TGFBR3: variants seen among roughly 807,000 people sequenced by gnomAD.
TGFBR3 encodes the protein transforming growth factor beta receptor 3.
A neutral mutation model predicts 87.9 loss-of-function variants in TGFBR3; 46 were observed. That is an observed-to-expected ratio of 0.52 (90% CI 0.41 to 0.67). The LOEUF (loss-of-function observed/expected upper bound fraction) is 0.67, where lower values mean the gene tolerates loss of function less well. Ranked by LOEUF, TGFBR3 falls within the 30% of genes least tolerant of loss-of-function variation. The pLI is 0.00. For missense variants in TGFBR3, 866 were observed against 1,041.9 expected, an observed-to-expected ratio of 0.83 and a Z score of 2.32; for synonymous variants, 381 against 391.6, an observed-to-expected ratio of 0.97 and a Z score of 0.32.
chr1:91,706,070 C>T (rs140400594), intron 14 of TGFBR3, among the ~76,000 whole-genome samples: 71 of 152,252 alleles, frequency 4.7e-4, no homozygotes, highest in African/African-American at 1.6e-3. Context: ...AAAAGCAAGC[C>T]GCTGCCTTCA....
chr1:91,689,327 G>A (rs1248093600), intron 16 of TGFBR3, among the ~76,000 whole-genome samples: 1 of 152,156 alleles, frequency 6.6e-6, no homozygotes, highest in Non-Finnish European at 1.5e-5. Context: ...CTGTAGCTGG[G>A]TTTCTGCCTG....
Position 91,796,796 on chromosome 1 carries a change from A to C in TGFBR3, c.246+491T>G, listed in dbSNP as rs11466571. On this transcript the variant is annotated intron_variant, in intron 3 of 16. Transcript: ENST00000212355. ...TGCAATGGCAATCACGGCTCACTCC[A>C]GCCTCGATTTCCCAGGCTCAAGCAA... is the stretch of plus-strand genomic sequence containing the variant. 5.5e-3 allele frequency among the ~76,000 whole-genome samples: 832 copies of C among 152,170 alleles called. 3 individuals carry two copies. The highest frequency in any genetic ancestry group is 0.019 in the African/African-American group (798 of 41,494).
rs1482550936 is a variant in TGFBR3 at position 91,708,741 on chromosome 1, T to C, written c.2209A>G (p.Ile737Val). 5 of 1,614,076 alleles carry C rather than the reference T, an allele frequency of 3.1e-6. No homozygotes were observed. The highest frequency in any genetic ancestry group is 4.2e-6 in the Non-Finnish European group (5 of 1,179,968). The stretch of plus-strand genomic sequence containing the variant: ...TTATTCTGCATCATGGCCCAGATTA[T>C]CGAGGCGTCCAGCGAGGTGCAGGCT... ...DEACTSLDAS[I>V]IWAMMQNKKT... The change falls in exon 14 of 17, where the codon ATA becomes GTA. Residue 737 changes from isoleucine (I) to valine (V), a missense_variant. By Grantham distance (29) the Ile-to-Val change is conservative. Transcript: ENST00000212355.
intron 2 of TGFBR3, among the ~76,000 whole-genome samples, chr1:91,818,267 T>C (rs1291637202): frequency 4.7e-5 from 6 of 128,992 alleles, no homozygotes; most frequent in South Asian, 2.7e-4. Flanking sequence ...CCATTTCCCC[T>C]TAGCCCCAGC....
chr1:91,746,442 C>G (rs1673349466), intron 4 of TGFBR3, among the ~76,000 whole-genome samples: 1 of 152,112 alleles, frequency 6.6e-6, no homozygotes, highest in Non-Finnish European at 1.5e-5. Flanking sequence ...CCTCATCTGC[C>G]AATGTTAGCC....
intron 10 of TGFBR3, among the ~76,000 whole-genome samples, chr1:91,717,969 T>G (rs1380219221): frequency 1.3e-5 from 2 of 152,114 alleles, no homozygotes; most frequent in South Asian, 2.1e-4. Context: ...TAATCAAGTA[T>G]TTCAGTAATA....
intron 2 of TGFBR3, among the ~76,000 whole-genome samples, chr1:91,854,148 G>C (rs1446192660): frequency 6.6e-6 from 1 of 152,200 alleles, no homozygotes; most frequent in African/African-American, 2.4e-5. Flanking sequence ...ATAAGTTCAA[G>C]AGATTGACTG....
chr1:91,795,472 G>A (rs1003858913), intron 3 of TGFBR3, among the ~76,000 whole-genome samples: 1 of 152,146 alleles, frequency 6.6e-6, no homozygotes, highest in Non-Finnish European at 1.5e-5. Flanking sequence ...ACCAAGTGCA[G>A]GAGAGCTCTG....
intron 16 of TGFBR3, among the ~76,000 whole-genome samples, chr1:91,690,481 A>G (rs1025435604): frequency 7.9e-5 from 12 of 152,170 alleles, no homozygotes; most frequent in African/African-American, 2.2e-4. Flanking sequence ...ATAAAGCCAG[A>G]TGGCCTTGCC....
chr1:91,727,942 A>G, intron 6 of TGFBR3, 136 bp from the exon 7 acceptor site: 1 of 993,168 alleles, frequency 1.0e-6, no homozygotes, highest in Non-Finnish European at 1.5e-6. Context: ...GGCCAATGAC[A>G]TGTGCAAAAC....
intron 3 of TGFBR3, 91 bp downstream of exon 3, chr1:91,797,187 TCTTTTGTTG>T: frequency 7.8e-7 from 1 of 1,277,862 alleles, no homozygotes; most frequent in Non-Finnish European, 1.1e-6. Context: ...TACATGAGCT[TCTTTTGTTG>T]AACCCCAGAA....
chr1:91,858,504 A>T (rs1678048621), intron 2 of TGFBR3, among the ~76,000 whole-genome samples: 1 of 148,876 alleles, frequency 6.7e-6, no homozygotes, highest in Admixed American at 6.9e-5. Context: ...ACTCCCATCT[A>T]CTCGGGAGGT....
intron 3 of TGFBR3, among the ~76,000 whole-genome samples, chr1:91,778,352 T>C (rs1674644763): frequency 6.6e-6 from 1 of 152,134 alleles, no homozygotes; most frequent in Admixed American, 6.5e-5. Context: ...AATGTCTTTA[T>C]ATTGACAGAA....
rs2101005507 is a variant in TGFBR3 at position 91,797,315 on chromosome 1, C to T, written c.218G>A (p.Gly73Asp). The T allele has an allele frequency of 6.2e-7, 1 of 1,614,220 alleles. No homozygotes were observed. ...TCTCTGTAGCTGGCCAGGCCCCTGG[C>T]CTGCAGTGCGGAGATTCAGGACATG... is the stretch of plus-strand genomic sequence containing the variant. ...EVHVLNLRTA[G>D]QGPGQLQREV... Residue 73 changes from glycine to aspartate, a missense_variant, in exon 3 of 17, where the codon GGC (glycine) becomes GAC (aspartate). Physicochemically the swap from Gly to Asp is moderately conservative, Grantham distance 94. Transcript: ENST00000212355.
chr1:91,846,718 T>C (rs546334160), intron 2 of TGFBR3, among the ~76,000 whole-genome samples: 1 of 152,288 alleles, frequency 6.6e-6, no homozygotes, highest in Admixed American at 6.5e-5. Flanking sequence ...CTAGGTTTTT[T>C]TTTACTATAT....
chr1:91,778,817 G>C (rs1161287977), intron 3 of TGFBR3, among the ~76,000 whole-genome samples: 1 of 152,204 alleles, frequency 6.6e-6, no homozygotes, highest in African/African-American at 2.4e-5. Flanking sequence ...ATAAATATCA[G>C]GTGGTAATAT....
At chr1:91,830,257 A>G (rs1333999198) in intron 2 of TGFBR3, among the ~76,000 whole-genome samples, 1 of 152,166 alleles carries the variant, frequency 6.6e-6, no homozygotes, top group Admixed American at 6.5e-5. Flanking sequence ...TCAGCCTGGC[A>G]GGGTTATGCT....
intron 3 of TGFBR3, among the ~76,000 whole-genome samples, chr1:91,774,753 C>A (rs575836227): frequency 5.3e-5 from 8 of 152,248 alleles, no homozygotes; most frequent in Non-Finnish European, 8.8e-5. Flanking sequence ...CTGTTGAGTA[C>A]ACTGTGCAAA....
At chr1:91,818,728 G>A (rs2101055227) in intron 2 of TGFBR3, among the ~76,000 whole-genome samples, 1 of 152,300 alleles carries the variant, frequency 6.6e-6, no homozygotes, top group African/African-American at 2.4e-5. Flanking sequence ...GACCACGTTT[G>A]TGCTTTCTGT....
Sources: allele counts gnomAD v4.1 joint callset (sites outside exome capture counted in the v4.1 genomes callset), GRCh38; gene constraint gnomAD v4.1.1; transcripts MANE v1.5; gene names NCBI Gene and HGNC (gene_info 2026-07-23, HGNC 2026-07-21).